Variants in PRUNE2 observed in about 807,000 individuals in gnomAD.
PRUNE2 encodes prune homolog 2 with BCH domain.
A neutral mutation model predicts 252.0 loss-of-function variants in PRUNE2; 164 were observed. The ratio of observed to expected loss-of-function variants is 0.65; its 90% CI spans 0.57 to 0.74. The LOEUF is 0.74. Among genes scored for constraint, PRUNE2 ranks in the 30% least tolerant of loss-of-function variants. The pLI, the probability that PRUNE2 is intolerant of heterozygous loss-of-function variation, is 0.00. For synonymous variants in PRUNE2, 1,292 were observed against 1,350.2 expected (o/e 0.96, Z 0.94); for missense variants, 3,495 against 3,711.0 (o/e 0.94, Z 1.51).
At chr9:76,720,276 T>A (rs1447605921) in intron 6 of PRUNE2, among the ~76,000 whole-genome samples, 1 of 144,594 alleles carries the variant, frequency 6.9e-6, no homozygotes, top group African/African-American at 2.6e-5. Flanking sequence ...CAATGGACAT[T>A]AAGATTCACT....
At chr9:76,664,274 G>C (rs2039700582) in intron 9 of PRUNE2, among the ~76,000 whole-genome samples, 2 of 152,192 alleles carry the variant, frequency 1.3e-5, no homozygotes, top group Non-Finnish European at 2.9e-5. Flanking sequence ...CCTGTGGAGA[G>C]TCCATGTGGC....
At chr9:76,903,246 C>T (rs2063285928) in intron 1 of PRUNE2, among the ~76,000 whole-genome samples, 1 of 151,996 alleles carries the variant, frequency 6.6e-6, no homozygotes, top group Non-Finnish European at 1.5e-5. Context: ...GTTCTTTTTG[C>T]CTATTGGAAT....
chr9:76,619,091 T>G (rs1335572072), intron 18 of PRUNE2, among the ~76,000 whole-genome samples: 1 of 152,230 alleles, frequency 6.6e-6, no homozygotes, highest in African/African-American at 2.4e-5. Flanking sequence ...TTCATTTTCT[T>G]CCCATTTTTG....
At chr9:76,838,596 G>A (rs1164936339) in intron 4 of PRUNE2, among the ~76,000 whole-genome samples, 3 of 138,456 alleles carry the variant, frequency 2.2e-5, no homozygotes, top group Non-Finnish European at 4.6e-5. Context: ...AGTGAGCTGA[G>A]ATTGCGCCAT....
chr9:76,659,781 G>A (rs577682939), intron 9 of PRUNE2, among the ~76,000 whole-genome samples: 4 of 151,676 alleles, frequency 2.6e-5, no homozygotes, highest in Admixed American at 6.6e-5. Flanking sequence ...TTTCAGACTA[G>A]GGATACTCAA....
chr9:76,895,642 G>A (rs1299301588), intron 1 of PRUNE2, among the ~76,000 whole-genome samples: 1 of 151,778 alleles, frequency 6.6e-6, no homozygotes, highest in African/African-American at 2.4e-5. Context: ...GATTCTTTAG[G>A]GTCATTACTA....
chr9:76,677,846 A>G (rs1261092555), intron 9 of PRUNE2, among the ~76,000 whole-genome samples: 1 of 152,152 alleles, frequency 6.6e-6, no homozygotes, highest in African/African-American at 2.4e-5. Flanking sequence ...TATGAGCTCA[A>G]ACCTGGGACT....
chr9:76,747,816 GA>G (rs903575980), intron 6 of PRUNE2, among the ~76,000 whole-genome samples: 191 of 144,508 alleles, frequency 1.3e-3, no homozygotes, highest in African/African-American at 4.6e-3. Context: ...TTTTTTTGGA[GA>G]AGAAGTCTTG....
intron 6 of PRUNE2, chr9:76,823,134 AAC>A (rs2058130117): frequency 6.6e-6 from 1 of 152,526 alleles, no homozygotes; most frequent in African/African-American, 2.4e-5. Context: ...CCATTCAGTT[AAC>A]AGTTTGGAAG....
intron 6 of PRUNE2, chr9:76,788,654 C>A: frequency 1.7e-6 from 1 of 604,816 alleles, no homozygotes. Context: ...TCATTATCAT[C>A]ACTATTCCAA....
chr9:76,686,398 A>G (rs1182145886), intron 9 of PRUNE2, among the ~76,000 whole-genome samples: 1 of 152,204 alleles, frequency 6.6e-6, no homozygotes, highest in Non-Finnish European at 1.5e-5. Flanking sequence ...TGAGACACTC[A>G]TCATAGGAAA....
chr9:76,638,311 C>T, intron 12 of PRUNE2, 23 bp from the exon 13 acceptor site: 1 of 1,524,848 alleles, frequency 6.6e-7, no homozygotes, highest in Non-Finnish European at 9.1e-7. Context: ...CAAAAAGACA[C>T]TTGTAACCAA....
intron 6 of PRUNE2, among the ~76,000 whole-genome samples, chr9:76,751,273 G>GACAC (rs796652358): frequency 1.8e-5 from 1 of 56,828 alleles, no homozygotes; most frequent in Non-Finnish European, 4.2e-5. Flanking sequence ...CACACACACA[G>GACAC]ACACACACAC....
Position 76,828,572 on chromosome 9 carries a change from T to A in PRUNE2, c.509-1840A>T, listed in dbSNP as rs562251915. 4.6e-5 allele frequency among the ~76,000 whole-genome samples: 7 copies of A among 152,286 alleles called. No homozygotes were observed. In the East Asian group the frequency reaches 1.2e-3, roughly 25 times the overall value. On this transcript the variant is annotated intron_variant, in intron 4 of 18. Coordinates refer to ENST00000376718, the MANE Select transcript of PRUNE2 (RefSeq NM_015225.3). ...ATATGGGGAGAATCAGTAAGGAGGC[T>A]GTTTTGGATAAGAAAAAAGGAAAGA... is the stretch of plus-strand genomic sequence containing the variant.
At position 76,879,902 on chromosome 9, in the gene PRUNE2, TA is replaced by T. The variant is rs1317584311; in HGVS notation, c.37-25695del. Among the ~76,000 whole-genome samples, 491 of 72,960 alleles carry T rather than the reference TA, an allele frequency of 6.7e-3. 11 individuals are homozygous for T. Among genetic ancestry groups the T allele is most frequent in the African/African-American group, 8.7e-3 (111 of 12,748 alleles). 47.9% of individuals were successfully genotyped at this position (72,960 alleles called of 152,430 possible). The stretch of plus-strand genomic sequence containing the variant: ...TCATATATATATATATATATATATA[TA>T]TTTTTTTTTTTTTTTTTTTTTTTTT... On this transcript the variant is annotated intron_variant, in intron 1 of 18. Transcript: ENST00000376718.
At chr9:76,677,582 A>T (rs540655640) in intron 9 of PRUNE2, among the ~76,000 whole-genome samples, 2 of 152,312 alleles carry the variant, frequency 1.3e-5, no homozygotes, top group South Asian at 4.1e-4. Context: ...AACAGAAGAT[A>T]TGTGCACCAG....
chr9:76,721,492 C>G (rs2047642919), intron 6 of PRUNE2, among the ~76,000 whole-genome samples: 1 of 152,126 alleles, frequency 6.6e-6, no homozygotes, highest in African/African-American at 2.4e-5. Context: ...AAGCAATTCC[C>G]AGATTTGTTA....
At chr9:76,715,683 T>C (rs1175397886) in intron 6 of PRUNE2, among the ~76,000 whole-genome samples, 1 of 152,218 alleles carries the variant, frequency 6.6e-6, no homozygotes, top group Admixed American at 6.5e-5. Context: ...CTAATAACAA[T>C]CTTTAAGTAG....
In PRUNE2 at chr9:76,707,099, C is replaced by G; in HGVS notation, c.5175G>C (p.Lys1725Asn). ...RAWDSLNESN[K>N]FLVTADPKSE... ...ACTTAGGATCAGCTGTGACCAAGAA[C>G]TTATTAGATTCATTCAATGAATCCC... The change falls in exon 8 of 19, where the codon AAG (lysine) becomes AAC (asparagine). Residue 1725 changes from lysine (K) to asparagine (N), a missense_variant. By Grantham distance (94) the Lys-to-Asn change is moderately conservative. Coordinates refer to ENST00000376718, the MANE Select transcript of PRUNE2 (RefSeq NM_015225.3). 3 of 1,613,958 alleles carry G rather than the reference C, an allele frequency of 1.9e-6. No homozygotes were observed. The highest frequency in any genetic ancestry group is 2.5e-6 in the Non-Finnish European group (3 of 1,179,894).
Sources: allele counts gnomAD v4.1 joint callset (sites outside exome capture counted in the v4.1 genomes callset), GRCh38; gene constraint gnomAD v4.1.1; transcripts MANE v1.5; gene names NCBI Gene and HGNC (gene_info 2026-07-23, HGNC 2026-07-21).